ELMO1: variants seen among roughly 807,000 people sequenced by gnomAD.
The protein encoded by ELMO1 is engulfment and cell motility 1, also known as engulfment and cell motility protein 1.
In ELMO1, 26 loss-of-function variants were observed where a neutral mutation model predicts 98.9. The observed-to-expected ratio is 0.26, with a 90% CI of 0.19 to 0.36. The LOEUF (loss-of-function observed/expected upper bound fraction) is 0.36, where lower values mean the gene tolerates loss of function less well. Among genes scored for constraint, ELMO1 ranks in the 10% least tolerant of loss-of-function variants. The pLI is 1.00. For synonymous variants in ELMO1, 346 were observed against 346.0 expected, an observed-to-expected ratio of 1.00 and a Z score of 0.00; for missense variants, 627 against 935.2, an observed-to-expected ratio of 0.67 and a Z score of 4.30.
chr7:37,226,465 G>A (rs908100040), intron 8 of ELMO1, among the ~76,000 whole-genome samples: 4 of 152,050 alleles, frequency 2.6e-5, no homozygotes, highest in Non-Finnish European at 5.9e-5. Flanking sequence ...TTGTCACACT[G>A]TGTTCAGGGT....
intron 15 of ELMO1, among the ~76,000 whole-genome samples, chr7:37,067,720 A>T (rs1031856932): frequency 3.2e-4 from 49 of 152,278 alleles, no homozygotes; most frequent in African/African-American, 1.2e-3. Context: ...AACAGCTTGA[A>T]ACTCACATAA....
At chr7:36,908,160 T>C (rs560627345) in intron 16 of ELMO1, among the ~76,000 whole-genome samples, 289 of 152,372 alleles carry the variant, frequency 1.9e-3, no homozygotes, top group African/African-American at 6.3e-3. Context: ...GACAATGATG[T>C]GCTGGTTGTT....
At chr7:37,106,041 G>A (rs779924724) in intron 14 of ELMO1, among the ~76,000 whole-genome samples, 2 of 152,096 alleles carry the variant, frequency 1.3e-5, no homozygotes, top group African/African-American at 4.8e-5. Flanking sequence ...ACTTCATCTC[G>A]ATTAACAAAA....
intron 15 of ELMO1, among the ~76,000 whole-genome samples, chr7:37,033,733 T>C (rs928104302): frequency 2.0e-5 from 3 of 152,182 alleles, no homozygotes; most frequent in Non-Finnish European, 4.4e-5. Flanking sequence ...ATCAGGGACA[T>C]GAATACTGGA....
intron 7 of ELMO1, among the ~76,000 whole-genome samples, chr7:37,239,099 A>G (rs1011332530): frequency 3.3e-5 from 5 of 152,144 alleles, no homozygotes; most frequent in African/African-American, 1.2e-4. Context: ...TATTTCTTCT[A>G]TAATATATAA....
At chr7:37,020,018 AGT>A (rs1420794068) in intron 15 of ELMO1, among the ~76,000 whole-genome samples, 1 of 152,222 alleles carries the variant, frequency 6.6e-6, no homozygotes, top group African/African-American at 2.4e-5. Context: ...GGTAATGTGT[AGT>A]GGGGCAGGTA....
chr7:36,970,219 A>ACG (rs1476347095), intron 16 of ELMO1, among the ~76,000 whole-genome samples: 1 of 149,030 alleles, frequency 6.7e-6, no homozygotes, highest in African/African-American at 2.5e-5. Flanking sequence ...ACACACACAC[A>ACG]CGCACACCAA....
chr7:37,290,978 A>G (rs1321943667), intron 4 of ELMO1, among the ~76,000 whole-genome samples: 1 of 152,220 alleles, frequency 6.6e-6, no homozygotes, highest in East Asian at 1.9e-4. Context: ...CATTCACTCT[A>G]CTAGAAATCT....
In ELMO1 at chr7:36,853,115, G is replaced by T. The variant is rs559338577; in HGVS notation, c.*2436C>A. On this transcript the variant is annotated 3_prime_UTR_variant, in exon 22 of 22. Coordinates refer to ENST00000310758, the MANE Select transcript of ELMO1 (RefSeq NM_014800.11). ...GCCTTGGGCAGCCTGGAGAGAGAAG[G>T]TGAGGTGGCCAAATATGGGCAACAA... Among the ~76,000 whole-genome samples the T allele has an allele frequency of 1.3e-5, 2 of 152,138 alleles. No homozygotes were observed. Among genetic ancestry groups the T allele is most frequent in the African/African-American group, 4.8e-5 (2 of 41,416 alleles).
At chr7:36,918,886 T>G (rs1486516180) in intron 16 of ELMO1, among the ~76,000 whole-genome samples, 1 of 152,228 alleles carries the variant, frequency 6.6e-6, no homozygotes, top group African/African-American at 2.4e-5. Context: ...CAAAGTAGAC[T>G]CACTTTAAGG....
intron 13 of ELMO1, among the ~76,000 whole-genome samples, chr7:37,198,922 C>T (rs140141261): frequency 3.1e-4 from 47 of 152,352 alleles, no homozygotes; most frequent in African/African-American, 9.6e-4. Flanking sequence ...ACCTGCTAAA[C>T]TTACCCACTT....
chr7:37,251,212 T>A (rs1382521028), intron 6 of ELMO1, among the ~76,000 whole-genome samples: 1 of 152,232 alleles, frequency 6.6e-6, no homozygotes, highest in East Asian at 1.9e-4. Context: ...TGTTTTGATA[T>A]CCATCTTTTT....
chr7:37,310,869 A>T (rs1226127451), intron 4 of ELMO1, among the ~76,000 whole-genome samples: 1 of 152,220 alleles, frequency 6.6e-6, no homozygotes, highest in Non-Finnish European at 1.5e-5. Context: ...TCGTAAAATG[A>T]AGACACCAAT....
At chr7:36,982,267 TTGTAAA>T (rs1360189068) in intron 16 of ELMO1, among the ~76,000 whole-genome samples, 1 of 152,230 alleles carries the variant, frequency 6.6e-6, no homozygotes, top group Non-Finnish European at 1.5e-5. Context: ...TTGAGTTGTG[TTGTAAA>T]TGTAAAACAC....
chr7:36,920,058 T>C (rs1191757909), intron 16 of ELMO1, among the ~76,000 whole-genome samples: 13 of 152,222 alleles, frequency 8.5e-5, no homozygotes, highest in Admixed American at 7.9e-4. Context: ...AATCACTTTC[T>C]TCTGCAAGGG....
At chr7:37,124,100 ACT>A (rs1285802574) in intron 14 of ELMO1, among the ~76,000 whole-genome samples, 1 of 151,972 alleles carries the variant, frequency 6.6e-6, no homozygotes, top group Non-Finnish European at 1.5e-5. Flanking sequence ...CATGCTAAAA[ACT>A]CTCAATAAAT....
chr7:37,443,936 T>C (rs543759873), intron 1 of ELMO1, among the ~76,000 whole-genome samples: 1 of 152,286 alleles, frequency 6.6e-6, no homozygotes, highest in East Asian at 1.9e-4. Context: ...ATGGGGTCTT[T>C]TTCTGTCCCC....
intron 9 of ELMO1, among the ~76,000 whole-genome samples, chr7:37,223,070 T>C (rs1793685349): frequency 6.6e-6 from 1 of 152,242 alleles, no homozygotes; most frequent in Non-Finnish European, 1.5e-5. Flanking sequence ...TTCTGTCTGA[T>C]ACATGAAATA....
chr7:37,415,718 A>G lies in ELMO1; in HGVS notation c.-74+32957T>C, dbSNP rs537359019. Among the ~76,000 whole-genome samples, 272 of 152,362 alleles carry G rather than the reference A, an allele frequency of 1.8e-3. 2 individuals carry two copies. Among genetic ancestry groups the G allele is most frequent in the South Asian group, 0.017 (80 of 4,830 alleles). ...AATGCATGAAAAAATGTATCTTCCC[A>G]AAGATATATCAGGGCTTCAGGGAAA... On this transcript the variant is annotated intron_variant, in intron 1 of 21. Transcript: ENST00000310758.
Sources: gnomAD v4.1 joint callset for allele counts (sites outside exome capture counted in the v4.1 genomes callset) on GRCh38, gnomAD v4.1.1 for gene constraint, MANE v1.5 for transcripts, NCBI Gene and HGNC (gene_info 2026-07-23, HGNC 2026-07-21) for gene names.